HSD17B4: variants seen among roughly 807,000 people sequenced by gnomAD.
HSD17B4 encodes the protein peroxisomal multifunctional enzyme type 2.
A neutral mutation model predicts 101.0 loss-of-function variants in HSD17B4; 70 were observed. The ratio of observed to expected loss-of-function variants is 0.69; its 90% CI spans 0.57 to 0.85. The LOEUF (loss-of-function observed/expected upper bound fraction) is 0.85. Among genes scored for constraint, HSD17B4 ranks in the 40% least tolerant of loss-of-function variants. HSD17B4 has a pLI of 0.00. For synonymous variants in HSD17B4, 347 were observed against 297.1 expected, an observed-to-expected ratio of 1.17 and a Z score of -1.73; for missense variants, 984 against 892.4, an observed-to-expected ratio of 1.10 and a Z score of -1.31.
At position 119,531,415 on chromosome 5, in the gene HSD17B4, G is replaced by A; in HGVS notation, c.1993+11G>A. On this transcript the variant is annotated intron_variant, in intron 22 of 23. Transcript: ENST00000510025. Reference sequence around the variant, plus strand: ...TTGGGGCTAAGTGGAGTAAGTTATAGCCCTGATTTTATAATATTCTAAGGT... The same window carrying A: ...TTGGGGCTAAGTGGAGTAAGTTATAACCCTGATTTTATAATATTCTAAGGT... The A allele has an allele frequency of 6.2e-7, 1 of 1,609,112 alleles. No individual in the cohort carries two copies. Among genetic ancestry groups the A allele is most frequent in the South Asian group, 1.1e-5 (1 of 91,000 alleles).
intron 2 of HSD17B4, among the ~76,000 whole-genome samples, chr5:119,468,366 G>A (rs1243373408): frequency 6.6e-6 from 1 of 151,292 alleles, no homozygotes; most frequent in Non-Finnish European, 1.5e-5. Flanking sequence ...TATTTCTGAA[G>A]GATAGCTTGC....
intron 8 of HSD17B4, among the ~76,000 whole-genome samples, chr5:119,479,868 G>A (rs544262005): frequency 1.3e-5 from 2 of 152,068 alleles, no homozygotes; most frequent in Non-Finnish European, 2.9e-5. Flanking sequence ...TGTGATTGCT[G>A]GATGGATGCT....
intron 2 of HSD17B4, among the ~76,000 whole-genome samples, chr5:119,470,339 G>A (rs1365199396): frequency 6.6e-6 from 1 of 152,212 alleles, no homozygotes; most frequent in East Asian, 1.9e-4. Context: ...AGGATGTGGA[G>A]GTGTCTGGGC....
intron 22 of HSD17B4, among the ~76,000 whole-genome samples, chr5:119,534,820 G>A (rs975526779): frequency 1.3e-5 from 2 of 152,210 alleles, no homozygotes; most frequent in Non-Finnish European, 1.5e-5. Flanking sequence ...AACAGTGACT[G>A]TTTCTTCTCT....
chr5:119,474,307 G>T, intron 3 of HSD17B4, 94 bp from the exon 4 acceptor site: 2 of 809,744 alleles, frequency 2.5e-6, no homozygotes, highest in Non-Finnish European at 4.5e-6. Flanking sequence ...TCTGTTGGGT[G>T]AATAGTATTT....
At chr5:119,490,060 A>T (rs1428189425) in intron 9 of HSD17B4, among the ~76,000 whole-genome samples, 2 of 151,826 alleles carry the variant, frequency 1.3e-5, no homozygotes, top group African/African-American at 4.8e-5. Context: ...GGTAATAATG[A>T]ACCTGTTGTA....
chr5:119,491,074 G>A (rs796476234), intron 9 of HSD17B4, among the ~76,000 whole-genome samples: 3 of 152,266 alleles, frequency 2.0e-5, no homozygotes, highest in Admixed American at 6.5e-5. Context: ...TTGAAGTTCT[G>A]ATAGATATCT....
rs1203274806 is a variant in HSD17B4 at position 119,509,202 on chromosome 5, C to G, written c.1395C>G (p.Gly465=). Residue 465 remains glycine (G), a synonymous_variant, in exon 16 of 24, where the codon GGC becomes GGG. Transcript: ENST00000510025. The part of the protein sequence containing the change: ...CHNQFSLFLV[G]SGGFGGKRTS... ...ATCAGTTCTCTCTCTTTCTTGTTGG[C>G]TCTGGAGGCTTTGGTGGAAAACGGA... is the stretch of plus-strand genomic sequence containing the variant. 6.2e-7 allele frequency: 1 copy of G among 1,610,812 alleles called. No individual in the cohort carries two copies. Among genetic ancestry groups the G allele is most frequent in the African/African-American group, 1.3e-5 (1 of 74,822 alleles).
At chr5:119,483,335 T>C (rs1749322297) in intron 8 of HSD17B4, among the ~76,000 whole-genome samples, 1 of 152,112 alleles carries the variant, frequency 6.6e-6, no homozygotes, top group African/African-American at 2.4e-5. Flanking sequence ...CTGATGGTGG[T>C]TTGCCCTGTG....
chr5:119,515,080 C>T (rs1358596965), intron 17 of HSD17B4, 34 bp downstream of exon 17: 2 of 1,200,692 alleles, frequency 1.7e-6, no homozygotes, highest in Admixed American at 1.7e-5. Context: ...GATAAATCCA[C>T]CTGGTTGATG....
chr5:119,465,744 A>G (rs954075161), intron 2 of HSD17B4, among the ~76,000 whole-genome samples: 3 of 152,092 alleles, frequency 2.0e-5, no homozygotes, highest in Non-Finnish European at 2.9e-5. Flanking sequence ...AGGTTTTTCT[A>G]TATGTAGGAT....
intron 8 of HSD17B4, among the ~76,000 whole-genome samples, chr5:119,488,181 G>A (rs1462763022): frequency 2.0e-5 from 3 of 152,126 alleles, no homozygotes; most frequent in Non-Finnish European, 2.9e-5. Flanking sequence ...GGAAGCAGAA[G>A]CATTTAAATT....
At chr5:119,539,508 CA>C (rs1220569533) in intron 23 of HSD17B4, among the ~76,000 whole-genome samples, 2 of 151,754 alleles carry the variant, frequency 1.3e-5, no homozygotes, top group Admixed American at 6.6e-5. Flanking sequence ...GGGTGCAGCA[CA>C]CCAACATGGC....
At chr5:119,493,651 G>A (rs1312871435) in intron 10 of HSD17B4, 167 bp from the exon 11 acceptor site, 2 of 632,950 alleles carry the variant, frequency 3.2e-6, no homozygotes, top group East Asian at 6.0e-5. Flanking sequence ...ATCCTAGTGG[G>A]TTTGTTGGGA....
chr5:119,536,559 C>T lies in HSD17B4; in HGVS notation c.2121+9C>T, dbSNP rs1438030278. On this transcript the variant is annotated intron_variant, in intron 23 of 23. Coordinates refer to ENST00000510025, the MANE Select transcript of HSD17B4 (RefSeq NM_000414.4). Reference sequence around the variant, plus strand: ...AGCTTGACCCTCAGAAGGTAATGTTCTCAAATGTTCATTTATTCATTGTTT... The same window carrying T: ...AGCTTGACCCTCAGAAGGTAATGTTTTCAAATGTTCATTTATTCATTGTTT... The T allele has an allele frequency of 1.2e-6, 2 of 1,610,476 alleles. No individual in the cohort carries two copies. Among genetic ancestry groups the T allele is most frequent in the East Asian group, 2.2e-5 (1 of 44,826 alleles).
chr5:119,502,141 A>T, intron 14 of HSD17B4, 49 bp downstream of exon 14: 1 of 1,171,468 alleles, frequency 8.5e-7, no homozygotes, highest in Non-Finnish European at 1.3e-6. Flanking sequence ...TTATTTCCAG[A>T]TTAACCTTTT....
rs1469411673 is a variant in HSD17B4 at position 119,475,926 on chromosome 5, G to A, written c.349+56G>A. On this transcript the variant is annotated intron_variant, in intron 6 of 23. Coordinates refer to ENST00000510025, the MANE Select transcript of HSD17B4 (RefSeq NM_000414.4). ...CATACTTATCCATTTAGCCTTTTTA[G>A]TATTTGATAAATTTATACATTTAAG... The A allele has an allele frequency of 3.1e-6, 4 of 1,295,666 alleles. No individual in the cohort carries two copies. The African/African-American group carries it at 4.3e-5, about 14-fold the overall frequency. The allele number at this position is 1,295,666 out of a possible 1,614,324, so 80.3% of individuals were successfully genotyped here.
chr5:119,515,074 A>G (rs781555962), intron 17 of HSD17B4, 28 bp downstream of exon 17: 1 of 1,278,860 alleles, frequency 7.8e-7, no homozygotes, highest in Admixed American at 1.7e-5. Flanking sequence ...AAAAATGATA[A>G]ATCCACCTGG....
At chr5:119,492,273 G>C in intron 10 of HSD17B4, 149 bp downstream of exon 10, 1 of 721,530 alleles carries the variant, frequency 1.4e-6, no homozygotes. Context: ...TATAGCAACA[G>C]GTATTTTTAA....
Sources: gnomAD v4.1 joint callset for allele counts (sites outside exome capture counted in the v4.1 genomes callset) on GRCh38, gnomAD v4.1.1 for gene constraint, MANE v1.5 for transcripts, NCBI Gene and HGNC (gene_info 2026-07-23, HGNC 2026-07-21) for gene names.